The following ROBO1 variants were observed in gnomAD, a reference collection of about 807,000 sequenced individuals.
ROBO1 encodes roundabout guidance receptor 1.
Under a neutral mutation model 195.9 loss-of-function variants are expected in ROBO1, and 149 were observed. That is an observed-to-expected ratio of 0.76 (90% CI 0.67 to 0.87). The LOEUF (loss-of-function observed/expected upper bound fraction) is 0.87, where lower values mean the gene tolerates loss of function less well. Among genes scored for constraint, ROBO1 ranks in the 40% least tolerant of loss-of-function variants. ROBO1 has a pLI of 0.00. For missense variants in ROBO1, 1,933 were observed against 2,068.3 expected (o/e 0.93, Z 1.27); for synonymous variants, 816 against 733.2 (o/e 1.11, Z -1.82).
Position 78,896,575 on chromosome 3 carries a change from C to G in ROBO1, c.499+42026G>C, listed in dbSNP as rs190718165. ...CTATCCCCAAACCTATAAGAACTAA[C>G]GATAATCCCACTACCCTTTGCTGAC... On this transcript the variant is annotated intron_variant, in intron 4 of 30. Coordinates refer to ENST00000464233, the MANE Select transcript of ROBO1 (RefSeq NM_002941.4). Among the ~76,000 whole-genome samples the G allele has an allele frequency of 9.7e-5, 14 of 144,984 alleles. No individual in the cohort carries two copies. The East Asian group carries it at 2.5e-3, about 26-fold the overall frequency.
At chr3:79,708,649 GC>G (rs1356901196) in intron 1 of ROBO1, among the ~76,000 whole-genome samples, 1 of 152,150 alleles carries the variant, frequency 6.6e-6, no homozygotes, top group Non-Finnish European at 1.5e-5. Context: ...ACTTGCTTAA[GC>G]CCAGGAGTTT....
chr3:78,631,158 T>A lies in ROBO1; in HGVS notation c.3626+3A>T. On this transcript the variant is annotated splice_donor_region_variant and intron_variant, in intron 25 of 30. Coordinates refer to ENST00000464233, the MANE Select transcript of ROBO1 (RefSeq NM_002941.4). ...TTTACATCTGTTTGGATGCTCCTCT[T>A]ACCTTTCATCTACAGAAATGTTGTA... is the stretch of plus-strand genomic sequence containing the variant. 1.9e-6 allele frequency: 3 copies of A among 1,609,358 alleles called. No homozygotes were observed. The highest frequency in any genetic ancestry group is 2.5e-6 in the Non-Finnish European group (3 of 1,177,556).
chr3:79,180,899 C>T (rs1483870892), intron 2 of ROBO1, among the ~76,000 whole-genome samples: 1 of 152,112 alleles, frequency 6.6e-6, no homozygotes. Context: ...TCAGAACGCA[C>T]TTTCCTGAGA....
chr3:79,675,217 CAA>C (rs1006672600), intron 1 of ROBO1, among the ~76,000 whole-genome samples: 5 of 145,392 alleles, frequency 3.4e-5, no homozygotes, highest in African/African-American at 1.1e-4. Context: ...TGGGATGAAA[CAA>C]GAGAAATTGA....
At chr3:79,584,092 C>T (rs1199720132) in intron 2 of ROBO1, among the ~76,000 whole-genome samples, 1 of 151,736 alleles carries the variant, frequency 6.6e-6, no homozygotes, top group Non-Finnish European at 1.5e-5. Context: ...AGCTCTCAAC[C>T]TGGCCTTCAC....
At chr3:79,459,484 T>G (rs2039728991) in intron 2 of ROBO1, among the ~76,000 whole-genome samples, 1 of 150,690 alleles carries the variant, frequency 6.6e-6, no homozygotes, top group African/African-American at 2.4e-5. Flanking sequence ...GGAAAGAGTA[T>G]ATAGAACCAA....
At chr3:79,287,652 A>G (rs374520339) in intron 2 of ROBO1, among the ~76,000 whole-genome samples, 15 of 152,274 alleles carry the variant, frequency 9.9e-5, no homozygotes, top group Middle Eastern at 3.4e-3. Flanking sequence ...ATATTATTCC[A>G]AAGTTTATGA....
intron 3 of ROBO1, among the ~76,000 whole-genome samples, chr3:79,021,692 T>G (rs921850305): frequency 2.7e-5 from 4 of 150,230 alleles, no homozygotes; most frequent in Admixed American, 6.6e-5. Context: ...ACGGAGTCTG[T>G]CTTTGTCGCC....
At chr3:79,279,400 C>T (rs1193427749) in intron 2 of ROBO1, among the ~76,000 whole-genome samples, 1 of 152,076 alleles carries the variant, frequency 6.6e-6, no homozygotes, top group Non-Finnish European at 1.5e-5. Flanking sequence ...CACAGATCAT[C>T]AACGAAATGC....
chr3:79,620,237 C>T (rs1944962414), intron 1 of ROBO1, among the ~76,000 whole-genome samples: 1 of 152,176 alleles, frequency 6.6e-6, no homozygotes, highest in African/African-American at 2.4e-5. Flanking sequence ...AACTCTGGCC[C>T]AAGGATCTTG....
chr3:78,673,605 T>TATATATATATAC lies in ROBO1; in HGVS notation c.1343-3305_1343-3304insGTATATATATAT, dbSNP rs779997525. ...ATATATATATATATATATATATATA[T>TATATATATATAC]ACACACATATATTACAGCAGGGTTA... On this transcript the variant is annotated intron_variant, in intron 10 of 30. Transcript: ENST00000464233. 2.7e-3 allele frequency among the ~76,000 whole-genome samples: 142 copies of TATATATATATAC among 53,068 alleles called. 1 individual carries two copies. Among genetic ancestry groups the TATATATATATAC allele is most frequent in the Non-Finnish European group, 3.7e-3 (107 of 28,550 alleles). 34.8% of individuals were successfully genotyped at this position (53,068 alleles called of 152,430 possible).
intron 1 of ROBO1, among the ~76,000 whole-genome samples, chr3:79,699,401 G>A (rs866498674): frequency 2.0e-5 from 3 of 151,356 alleles, no homozygotes; most frequent in African/African-American, 7.3e-5. Flanking sequence ...CAGATTTCTC[G>A]GACATTTCAA....
chr3:79,717,825 G>A (rs560562259), intron 1 of ROBO1, among the ~76,000 whole-genome samples: 1 of 152,094 alleles, frequency 6.6e-6, no homozygotes, highest in Admixed American at 6.5e-5. Flanking sequence ...GTATTCAGAT[G>A]TTTTCATGTA....
intron 4 of ROBO1, among the ~76,000 whole-genome samples, chr3:78,931,903 G>A (rs760682126): frequency 2.0e-5 from 3 of 152,094 alleles, no homozygotes; most frequent in African/African-American, 4.8e-5. Flanking sequence ...TTGAGCCCAG[G>A]AAGTTGAGTC....
intron 1 of ROBO1, among the ~76,000 whole-genome samples, chr3:79,715,396 G>A (rs1702444605): frequency 6.6e-6 from 1 of 152,088 alleles, no homozygotes; most frequent in African/African-American, 2.4e-5. Flanking sequence ...CCATCACCCT[G>A]ATCAATCAGC....
At position 79,590,826 on chromosome 3, in the gene ROBO1, T is replaced by TGATA. The variant is rs770293787; in HGVS notation, c.-50-869_-50-866dup. On this transcript the variant is annotated intron_variant, in intron 1 of 30. Coordinates refer to ENST00000464233, the MANE Select transcript of ROBO1 (RefSeq NM_002941.4). ...ATTTTATCATAGATAGGTAGATAGA[T>TGATA]GATAGATAGATAGATAGATATAGAT... Among the ~76,000 whole-genome samples, 199 of 151,644 alleles carry TGATA rather than the reference T, an allele frequency of 1.3e-3. 1 individual carries two copies. Among genetic ancestry groups the TGATA allele is most frequent in the Middle Eastern group, 3.4e-3 (1 of 294 alleles).
chr3:78,913,694 ACTTGTG>A (rs2038389307), intron 4 of ROBO1, among the ~76,000 whole-genome samples: 1 of 152,096 alleles, frequency 6.6e-6, no homozygotes, highest in Non-Finnish European at 1.5e-5. Flanking sequence ...TTTTTTTTCA[ACTTGTG>A]AAATGTTAGA....
At chr3:78,669,024 A>G (rs1027907719) in intron 11 of ROBO1, among the ~76,000 whole-genome samples, 1 of 152,232 alleles carries the variant, frequency 6.6e-6, no homozygotes, top group African/African-American at 2.4e-5. Context: ...GAAAAAGGAT[A>G]GGCATCATAG....
At position 78,627,487 on chromosome 3, in the gene ROBO1, G is replaced by A. The variant is rs553326251; in HGVS notation, c.3709C>T (p.Arg1237Ter). ...QDELEEEEDE[R>*]GPTPPVRGAA... ...CCCCGAACAGGGGGAGTGGGGCCTCGTTCATCTTCCTCCTCTTCTAATTCA... is the reference window on the plus strand; with the variant it reads ...CCCCGAACAGGGGGAGTGGGGCCTCATTCATCTTCCTCCTCTTCTAATTCA... Residue 1237 changes from arginine to a stop codon, truncating the protein, a stop_gained, in exon 26 of 31, where the codon CGA becomes TGA. Transcript: ENST00000464233. LOFTEE classifies it high-confidence loss of function. 8 of 1,613,056 alleles carry A rather than the reference G, an allele frequency of 5.0e-6. No homozygotes were observed. Among genetic ancestry groups the A allele is most frequent in the Admixed American group, 1.7e-5 (1 of 59,928 alleles).
Sources: allele counts gnomAD v4.1 joint callset (sites outside exome capture counted in the v4.1 genomes callset), GRCh38; gene constraint gnomAD v4.1.1; transcripts MANE v1.5; gene names NCBI Gene and HGNC (gene_info 2026-07-23, HGNC 2026-07-21).